Variants in PSPC1 observed in about 807,000 individuals in gnomAD.
The protein encoded by PSPC1 is paraspeckle component 1.
Under a neutral mutation model 51.6 loss-of-function variants are expected in PSPC1, and 14 were observed. That is an observed-to-expected ratio of 0.27 (90% confidence interval 0.18 to 0.42). The LOEUF is 0.42. Ranked by LOEUF, PSPC1 falls within the 10% of genes least tolerant of loss-of-function variation. The pLI is 1.00. For synonymous variants in PSPC1, 193 were observed against 231.9 expected (o/e 0.83, Z 1.53); for missense variants, 406 against 701.1 (o/e 0.58, Z 4.75).
At chr13:19,693,297 C>T (rs17300439) in intron 6 of PSPC1, among the ~76,000 whole-genome samples, 20,144 of 152,194 alleles carry the variant, frequency 0.13, 1,618 homozygotes, top group Admixed American at 0.19. Flanking sequence ...GAACTATTTG[C>T]GTCTGGGTTT....
downstream of PSPC1, chr13:19,671,278 C>A: frequency 6.2e-7 from 1 of 1,612,722 alleles, no homozygotes; most frequent in South Asian, 1.1e-5. Flanking sequence ...GACAGAAGCA[C>A]CCTCTGCCAA....
chr13:19,722,189 G>C (rs1386985598), intron 6 of PSPC1, among the ~76,000 whole-genome samples: 1 of 152,116 alleles, frequency 6.6e-6, no homozygotes. Flanking sequence ...TAAATATAAA[G>C]AATAAACTAT....
At chr13:19,740,870 C>G (rs1256997246) in intron 5 of PSPC1, among the ~76,000 whole-genome samples, 1 of 151,410 alleles carries the variant, frequency 6.6e-6, no homozygotes, top group African/African-American at 2.4e-5. Context: ...GAGTCAACTT[C>G]CAGAAATCTT....
Position 19,756,371 on chromosome 13 carries a change from G to A in PSPC1, c.770+2952C>T, listed in dbSNP as rs139216292. On this transcript the variant is annotated intron_variant, in intron 3 of 8. Transcript: ENST00000338910. ...TTTTGTCCAATTCTTTGTTCAAGAC[G>A]CCAAGAACTTGGATACTCTCCACCG... Among the ~76,000 whole-genome samples, 751 of 152,192 alleles carry A rather than the reference G, an allele frequency of 4.9e-3. 2 individuals carry two copies. The highest frequency in any genetic ancestry group is 0.012 in the Admixed American group (177 of 15,280).
chr13:19,686,520 A>C (rs1877901455), intron 6 of PSPC1, among the ~76,000 whole-genome samples: 1 of 152,238 alleles, frequency 6.6e-6, no homozygotes, highest in African/African-American at 2.4e-5. Context: ...AACTTCTGGA[A>C]GGATACACCA....
chr13:19,715,654 G>C (rs1159174749), intron 6 of PSPC1, among the ~76,000 whole-genome samples: 1 of 152,136 alleles, frequency 6.6e-6, no homozygotes, highest in East Asian at 1.9e-4. Context: ...CCAGCACTTT[G>C]GGAGGCTGAG....
In PSPC1 at chr13:19,727,276, C is replaced by T. The variant is rs1377233839; in HGVS notation, c.1158+2963G>A. ...GGGCATGGTGGCAGGCACCTGTAAT[C>T]CCAGCTACTCGGGAGGCTAAGGCAG... On this transcript the variant is annotated intron_variant, in intron 6 of 8. Coordinates refer to ENST00000338910, the MANE Select transcript of PSPC1 (RefSeq NM_001354909.2). 5.9e-5 allele frequency among the ~76,000 whole-genome samples: 9 copies of T among 152,214 alleles called. No homozygotes were observed. The East Asian group carries it at 1.2e-3, about 20-fold the overall frequency.
At chr13:19,751,885 G>A (rs1401727446) in intron 3 of PSPC1, among the ~76,000 whole-genome samples, 2 of 151,980 alleles carry the variant, frequency 1.3e-5, no homozygotes, top group South Asian at 2.1e-4. Context: ...GTGAAATCCC[G>A]TCTCTACTAA....
At chr13:19,757,944 C>T (rs1323532260) in intron 3 of PSPC1, among the ~76,000 whole-genome samples, 1 of 152,064 alleles carries the variant, frequency 6.6e-6, no homozygotes, top group Non-Finnish European at 1.5e-5. Context: ...ATCTGGACTG[C>T]TATTCTAGGA....
intron 5 of PSPC1, among the ~76,000 whole-genome samples, chr13:19,731,519 T>A (rs1884116007): frequency 6.6e-6 from 1 of 152,112 alleles, no homozygotes; most frequent in South Asian, 2.1e-4. Flanking sequence ...GCTCAAGCAA[T>A]CCTCCAATCT....
chr13:19,696,086 T>G (rs1354514348), intron 6 of PSPC1, among the ~76,000 whole-genome samples: 1 of 152,066 alleles, frequency 6.6e-6, no homozygotes, highest in Non-Finnish European at 1.5e-5. Context: ...TGTTAAAAGA[T>G]AACACTGATT....
intron 1 of PSPC1, among the ~76,000 whole-genome samples, chr13:19,775,878 G>A (rs749111268): frequency 3.3e-5 from 5 of 151,978 alleles, no homozygotes; most frequent in Middle Eastern, 3.2e-3. Context: ...GTGAAACCCC[G>A]TCTCTACTAA....
intron 2 of PSPC1, among the ~76,000 whole-genome samples, chr13:19,764,057 T>C (rs889346891): frequency 4.6e-5 from 7 of 152,152 alleles, no homozygotes; most frequent in African/African-American, 1.7e-4. Context: ...AAAAAGTATT[T>C]CAGTGTTCTT....
At chr13:19,711,870 T>C (rs1306505528) in intron 6 of PSPC1, among the ~76,000 whole-genome samples, 1 of 151,200 alleles carries the variant, frequency 6.6e-6, no homozygotes, top group Non-Finnish European at 1.5e-5. Context: ...TAGACTGTAA[T>C]ATAAAATTGC....
chr13:19,773,718 G>A (rs1171656586), intron 1 of PSPC1, among the ~76,000 whole-genome samples: 2 of 151,866 alleles, frequency 1.3e-5, no homozygotes, highest in Non-Finnish European at 2.9e-5. Flanking sequence ...GAGTACAGTG[G>A]CACAATCATA....
At chr13:19,742,155 A>G (rs1236677811) in intron 4 of PSPC1, among the ~76,000 whole-genome samples, 1 of 151,910 alleles carries the variant, frequency 6.6e-6, no homozygotes, top group Non-Finnish European at 1.5e-5. Context: ...TTGTTAGGGG[A>G]AAAACACGTA....
chr13:19,774,015 T>A (rs975684517), intron 1 of PSPC1, among the ~76,000 whole-genome samples: 1 of 152,160 alleles, frequency 6.6e-6, no homozygotes, highest in Non-Finnish European at 1.5e-5. Flanking sequence ...TTTCTCACTA[T>A]TACATGAAGA....
intron 6 of PSPC1, among the ~76,000 whole-genome samples, chr13:19,713,296 A>G (rs1389496720): frequency 6.6e-6 from 1 of 152,186 alleles, no homozygotes; most frequent in African/African-American, 2.4e-5. Flanking sequence ...GCGCTAAAAT[A>G]AACCTATGAT....
chr13:19,756,437 C>A (rs1480152459), intron 3 of PSPC1, among the ~76,000 whole-genome samples: 1 of 152,102 alleles, frequency 6.6e-6, no homozygotes. Flanking sequence ...AAGAGTCAAG[C>A]AGGTTCACTA....
Sources: gnomAD v4.1 joint callset for allele counts (sites outside exome capture counted in the v4.1 genomes callset) on GRCh38, gnomAD v4.1.1 for gene constraint, MANE v1.5 for transcripts, NCBI Gene and HGNC (gene_info 2026-07-23, HGNC 2026-07-21) for gene names.